Variants in EDEM1 observed in about 807,000 individuals in gnomAD.
EDEM1 encodes ER degradation-enhancing alpha-mannosidase-like protein 1.
EDEM1 carries 67 observed loss-of-function variants against 74.4 expected under a neutral mutation model. The ratio of observed to expected loss-of-function variants is 0.90; its 90% CI spans 0.74 to 1.10. The LOEUF (loss-of-function observed/expected upper bound fraction) is 1.10. EDEM1 is among the 50% of genes least tolerant of loss of function. EDEM1 has a pLI of 0.00. For missense variants in EDEM1, 926 were observed against 851.6 expected (o/e 1.09, Z -1.09); for synonymous variants, 382 against 335.9 (o/e 1.14, Z -1.50).
chr3:5,207,095 G>T (rs1038294860), intron 6 of EDEM1, 58 bp from the exon 7 acceptor site: 46 of 1,601,514 alleles, frequency 2.9e-5, no homozygotes, highest in Non-Finnish European at 3.6e-5. Flanking sequence ...TGCTGGAGAG[G>T]TAGAGATCTG....
In EDEM1 at chr3:5,187,847, G is replaced by T. The variant is rs757985911; in HGVS notation, c.42G>T (p.Arg14=). 1 of 1,591,988 alleles carries T rather than the reference G, an allele frequency of 6.3e-7. No homozygotes were observed. The highest frequency in any genetic ancestry group is 8.5e-7 in the Non-Finnish European group (1 of 1,170,742). ...RALVLGLVLL[R]LGLHGVLWLV... Reference sequence around the variant, plus strand: ...TCGTCCTGGGGCTGGTGCTCCTCCGGCTTGGCCTCCATGGAGTATTGTGGC... The same window carrying T: ...TCGTCCTGGGGCTGGTGCTCCTCCGTCTTGGCCTCCATGGAGTATTGTGGC... Residue 14 remains arginine (R), a synonymous_variant, in exon 1 of 12, where the codon CGG becomes CGT. Transcript: ENST00000256497.
intron 11 of EDEM1, 60 bp downstream of exon 11, chr3:5,213,582 C>A: frequency 6.7e-7 from 1 of 1,485,664 alleles, no homozygotes. Flanking sequence ...CTATGAATTG[C>A]TTAGTTGTTC....
intron 9 of EDEM1, 60 bp downstream of exon 9, chr3:5,210,308 T>C: frequency 6.8e-7 from 1 of 1,474,122 alleles, no homozygotes. Context: ...TTCAAATTGT[T>C]TTGGGGAAAT....
rs1454299202 is a variant in EDEM1 at position 5,211,140 on chromosome 3, A to G, written c.1604A>G (p.His535Arg). The change falls in exon 10 of 12, where the codon CAT becomes CGT. Residue 535 changes from histidine to arginine, a missense_variant. His to Arg is a conservative substitution (Grantham distance 29). Coordinates refer to ENST00000256497, the MANE Select transcript of EDEM1 (RefSeq NM_014674.3). ...TGTAGGTGTGGGTACGCCACGCTGC[A>G]TCACGTCATTGACAAGTCCACAGAA... is the stretch of plus-strand genomic sequence containing the variant. Reference protein sequence around the residue: ...TKVKCGYATLHHVIDKSTEDR... With the variant: ...TKVKCGYATLRHVIDKSTEDR... The G allele has an allele frequency of 8.7e-6, 14 of 1,614,240 alleles. No individual in the cohort carries two copies. Among genetic ancestry groups the G allele is most frequent in the Non-Finnish European group, 1.2e-5 (14 of 1,180,038 alleles).
At chr3:5,203,655 A>G (rs1466155853) in intron 5 of EDEM1, among the ~76,000 whole-genome samples, 1 of 152,214 alleles carries the variant, frequency 6.6e-6, no homozygotes, top group Non-Finnish European at 1.5e-5. Flanking sequence ...GAGAGAAAGT[A>G]TGATGAATAA....
chr3:5,215,573 C>T (rs926949861), intron 11 of EDEM1, among the ~76,000 whole-genome samples: 1 of 152,112 alleles, frequency 6.6e-6, no homozygotes, highest in Admixed American at 6.5e-5. Context: ...TGATTTTGCT[C>T]CTCAGGGAAC....
chr3:5,215,879 C>G lies in EDEM1; in HGVS notation c.1935C>G (p.Ile645Met). The G allele has an allele frequency of 6.2e-7, 1 of 1,613,156 alleles. No homozygotes were observed. Among genetic ancestry groups the G allele is most frequent in the Non-Finnish European group, 8.5e-7 (1 of 1,179,702 alleles). Residue 645 changes from isoleucine (I) to methionine (M), a missense_variant, in exon 12 of 12, where the codon ATC becomes ATG. Ile to Met is a conservative substitution (Grantham distance 10). Transcript: ENST00000256497. ...ERRYSLPLKS[I>M]YMRQIDQMVG... ...GGTACTCCCTGCCCTTAAAGAGCAT[C>G]TACATGCGACAGATTGACCAGATGG...
chr3:5,201,851 A>G lies in EDEM1; in HGVS notation c.785A>G (p.Tyr262Cys), dbSNP rs2055038796. The G allele has an allele frequency of 6.2e-7, 1 of 1,614,234 alleles. No individual in the cohort carries two copies. Residue 262 changes from tyrosine (Y) to cysteine (C), a missense_variant, in exon 4 of 12, where the codon TAC becomes TGC. Tyr to Cys is a radical substitution (Grantham distance 194). Coordinates refer to ENST00000256497, the MANE Select transcript of EDEM1 (RefSeq NM_014674.3). Reference sequence around the variant, plus strand: ...AAGGACTATGATAATGAGTTGTTATACATGGCCCATGACCTGGCGGTGCGG... The same window carrying G: ...AAGGACTATGATAATGAGTTGTTATGCATGGCCCATGACCTGGCGGTGCGG... Reference protein sequence around the residue: ...TIKDYDNELLYMAHDLAVRLL... With the variant: ...TIKDYDNELLCMAHDLAVRLL...
At chr3:5,206,970 A>G (rs1021991436) in intron 6 of EDEM1, among the ~76,000 whole-genome samples, 183 bp from the exon 7 acceptor site, 15 of 152,378 alleles carry the variant, frequency 9.8e-5, no homozygotes, top group Admixed American at 2.6e-4. Flanking sequence ...GGAAAATATT[A>G]TCTTCTGCTA....
At chr3:5,199,801 C>A in intron 3 of EDEM1, 106 bp downstream of exon 3, 1 of 810,142 alleles carries the variant, frequency 1.2e-6, no homozygotes, top group Non-Finnish European at 1.9e-6. Context: ...GGCAGGGAGT[C>A]CATATGGGCT....
At chr3:5,189,846 G>T (rs901859934) in intron 1 of EDEM1, among the ~76,000 whole-genome samples, 1 of 152,216 alleles carries the variant, frequency 6.6e-6, no homozygotes, top group Non-Finnish European at 1.5e-5. Context: ...TGATCCACCC[G>T]CCTGGGCCTC....
chr3:5,204,938 AC>A lies in EDEM1; in HGVS notation c.1043-127del, dbSNP rs531715622. 3.3e-4 allele frequency: 326 copies of A among 974,548 alleles called. 1 individual carries two copies. In the African/African-American group the frequency reaches 4.9e-3, roughly 15 times the overall value. 60.4% of individuals were successfully genotyped at this position (974,548 alleles called of 1,614,324 possible). ...ATAAAAATGTTAGGTCCAAGCAACC[AC>A]CTCCTTCTCCTGTATGCCAAGGATA... On this transcript the variant is annotated intron_variant, in intron 5 of 11. Transcript: ENST00000256497.
At position 5,188,178 on chromosome 3, in the gene EDEM1, C is replaced by T. The variant is rs748528810; in HGVS notation, c.373C>T (p.Gln125Ter). The change falls in exon 1 of 12, where the codon CAG (glutamine) becomes TAG (stop). Residue 125 changes from glutamine (Q) to a stop codon, truncating the protein, a stop_gained. Coordinates refer to ENST00000256497, the MANE Select transcript of EDEM1 (RefSeq NM_014674.3). LOFTEE classifies it high-confidence loss of function. Reference sequence around the variant, plus strand: ...GCGCTACAGCGGCGCCTTCCCTCCGCAGCTGCGTGCCCAGATGCGCGACCT... The same window carrying T: ...GCGCTACAGCGGCGCCTTCCCTCCGTAGCTGCGTGCCCAGATGCGCGACCT... The part of the protein sequence containing the change: ...EKRYSGAFPP[Q>*]LRAQMRDLAR... The T allele has an allele frequency of 2.9e-5, 45 of 1,564,002 alleles. No individual in the cohort carries two copies. The highest frequency in any genetic ancestry group is 1.7e-6 in the Non-Finnish European group (2 of 1,156,832).
In EDEM1 at chr3:5,203,055, G is replaced by C; in HGVS notation, c.948G>C (p.Leu316=). Residue 316 remains leucine (L), a synonymous_variant, in exon 5 of 12, where the codon CTG becomes CTC. Transcript: ENST00000256497. ...AGSLLVEFGI[L]SRLLGDSTFE... is the part of the protein sequence containing the mutation. ...CCCTCCTGGTGGAATTTGGGATTCT[G>C]AGTCGACTCCTGGGGGACTCCACAT... 1.9e-6 allele frequency: 3 copies of C among 1,613,946 alleles called. No individual in the cohort carries two copies. The highest frequency in any genetic ancestry group is 2.5e-6 in the Non-Finnish European group (3 of 1,179,950).
intron 11 of EDEM1, among the ~76,000 whole-genome samples, chr3:5,215,109 G>C (rs1418820520): frequency 1.3e-5 from 2 of 152,116 alleles, no homozygotes; most frequent in African/African-American, 2.4e-5. Flanking sequence ...GGAAGGACCG[G>C]CCAGTCTTGA....
rs536914193 is a variant in EDEM1 at position 5,188,453 on chromosome 3, T to C, written c.509+139T>C. The C allele has an allele frequency of 8.9e-6, 9 of 1,015,402 alleles. No individual in the cohort carries two copies. In the African/African-American group the frequency reaches 1.0e-4, roughly 11 times the overall value. The allele number at this position is 1,015,402 out of a possible 1,614,324, so 62.9% of individuals were successfully genotyped here. On this transcript the variant is annotated intron_variant, in intron 1 of 11. Transcript: ENST00000256497. ...TCCCGGGCAGCGCTCCCGCGCCCTG[T>C]CCCGTGTGAGTCCCTGTGAAGACCC...
chr3:5,197,421 AG>A (rs1252038530), intron 2 of EDEM1, among the ~76,000 whole-genome samples: 2 of 152,214 alleles, frequency 1.3e-5, no homozygotes, highest in Non-Finnish European at 2.9e-5. Flanking sequence ...TTCAAACATT[AG>A]TGTGATTTCA....
chr3:5,213,229 C>A, intron 10 of EDEM1, 90 bp from the exon 11 acceptor site: 2 of 1,313,208 alleles, frequency 1.5e-6, no homozygotes, highest in Non-Finnish European at 1.0e-6. Flanking sequence ...CAAGCAAATT[C>A]TACTCCCTGA....
At chr3:5,198,067 C>CA (rs2054991023) in intron 2 of EDEM1, among the ~76,000 whole-genome samples, 1 of 151,564 alleles carries the variant, frequency 6.6e-6, no homozygotes, top group South Asian at 2.1e-4. Flanking sequence ...TTTTTTGAGA[C>CA]AGAGTCTTGC....
Sources: allele counts gnomAD v4.1 joint callset (sites outside exome capture counted in the v4.1 genomes callset), GRCh38; gene constraint gnomAD v4.1.1; transcripts MANE v1.5; gene names NCBI Gene and HGNC (gene_info 2026-07-23, HGNC 2026-07-21).